FAT4: variants seen among roughly 807,000 people sequenced by gnomAD.
The protein encoded by FAT4 is FAT atypical cadherin 4.
In FAT4, 84 loss-of-function variants were observed where a neutral mutation model predicts 303.9. The observed-to-expected ratio is 0.28, with a 90% confidence interval of 0.23 to 0.33. The LOEUF (loss-of-function observed/expected upper bound fraction) is 0.33, where lower values mean the gene tolerates loss of function less well. FAT4 is among the 10% of genes least tolerant of loss of function. The probability of loss-of-function intolerance (pLI) is 1.00; values close to 1 mark genes in which losing one functional copy is unlikely to be tolerated. For missense variants in FAT4, 6,005 were observed against 6,146.8 expected (o/e 0.98, Z 0.77); for synonymous variants, 2,307 against 2,298.8 (o/e 1.00, Z -0.10).
chr4:125,450,059 C>T lies in FAT4; in HGVS notation c.9049C>T (p.Leu3017=), dbSNP rs1376137619. Residue 3017 remains leucine (L), a synonymous_variant, in exon 10 of 18, where the codon CTG becomes TTG. Coordinates refer to ENST00000394329, the MANE Select transcript of FAT4 (RefSeq NM_001291303.3). The part of the protein sequence containing the change: ...VTAIDDKDFG[L]NSEVEYFISN... ...AGCAATAGATGACAAAGATTTTGGACTGAATTCAGAAGTGGAGTATTTCAT... is the reference window on the plus strand; with the variant it reads ...AGCAATAGATGACAAAGATTTTGGATTGAATTCAGAAGTGGAGTATTTCAT... 4 of 1,613,794 alleles carry T rather than the reference C, an allele frequency of 2.5e-6. No individual in the cohort carries two copies. Among genetic ancestry groups the T allele is most frequent in the East Asian group, 2.2e-5 (1 of 44,870 alleles).
At chr4:125,406,796 T>C (rs1477465478) in intron 3 of FAT4, 84 bp from the exon 4 acceptor site, 12 of 1,472,148 alleles carry the variant, frequency 8.2e-6, no homozygotes, top group Non-Finnish European at 1.1e-5. Context: ...AAGCCTTCCT[T>C]TGTCAAATAC....
At chr4:125,388,398 C>CA (rs545291438) in intron 2 of FAT4, among the ~76,000 whole-genome samples, 10 of 151,582 alleles carry the variant, frequency 6.6e-5, no homozygotes, top group African/African-American at 2.2e-4. Context: ...ACACATTAGG[C>CA]AAAAAAAGAG....
chr4:125,317,927 C>T lies in FAT4; in HGVS notation c.1516C>T (p.Leu506Phe). ...ATCTGCCACTGATGGCGACTCTGGT[C>T]TCAATGCTAATCTGCGTTACAGCAT... ...GISATDGDSG[L>F]NANLRYSIVS... is the part of the protein sequence containing the mutation. Residue 506 changes from leucine to phenylalanine, a missense_variant, in exon 2 of 18, where the codon CTC becomes TTC. Transcript: ENST00000394329. The surrounding 1 kb of genome is among the most constrained non-coding windows in gnomAD (Gnocchi z 7.0). The T allele has an allele frequency of 6.2e-7, 1 of 1,614,186 alleles. No individual in the cohort carries two copies. Among genetic ancestry groups the T allele is most frequent in the Non-Finnish European group, 8.5e-7 (1 of 1,180,040 alleles).
Position 125,317,141 on chromosome 4 carries a change from A to C in FAT4, c.730A>C (p.Asn244His), listed in dbSNP as rs79527211. ...LQVNVTVQDI[N>H]DNPPVFGSSH... Reference sequence around the variant, plus strand: ...GGTAAACGTGACTGTGCAAGACATTAATGACAACCCCCCGGTTTTTGGCAG... The same window carrying C: ...GGTAAACGTGACTGTGCAAGACATTCATGACAACCCCCCGGTTTTTGGCAG... Residue 244 changes from asparagine to histidine, a missense_variant, in exon 2 of 18, where the codon AAT becomes CAT. Asn to His is a moderately conservative substitution (Grantham distance 68). Transcript: ENST00000394329. This position sits in a 1 kb window ranked among gnomAD's most constrained non-coding sequence, Gnocchi z 7.0. 6.2e-7 allele frequency: 1 copy of C among 1,612,606 alleles called. No homozygotes were observed. The highest frequency in any genetic ancestry group is 8.5e-7 in the Non-Finnish European group (1 of 1,179,240).
rs760733250 is a variant in FAT4 at position 125,317,363 on chromosome 4, C to G, written c.952C>G (p.Gln318Glu). The G allele has an allele frequency of 1.2e-6, 2 of 1,613,324 alleles. No individual in the cohort carries two copies. Among genetic ancestry groups the G allele is most frequent in the South Asian group, 2.2e-5 (2 of 91,082 alleles). The change falls in exon 2 of 18, where the codon CAA (glutamine) becomes GAA (glutamate). Residue 318 changes from glutamine (Q) to glutamate (E), a missense_variant. Transcript: ENST00000394329. The surrounding 1 kb of genome is among the most constrained non-coding windows in gnomAD (Gnocchi z 7.0). ...GCCCCTGGACTTCGAAGCTCGGCGC[C>G]AATACTCGCTTACGGTGCAGGCGAT... Reference protein sequence around the residue: ...REPLDFEARRQYSLTVQAMDR... With the variant: ...REPLDFEARREYSLTVQAMDR...
intron 2 of FAT4, among the ~76,000 whole-genome samples, chr4:125,331,779 G>A (rs562475410): frequency 6.6e-6 from 1 of 152,110 alleles, no homozygotes. Context: ...TTTAATTACT[G>A]TCATTCCTTT....
chr4:125,393,873 G>A, intron 2 of FAT4: 2 of 750,732 alleles, frequency 2.7e-6, no homozygotes, highest in Non-Finnish European at 5.0e-6. Context: ...TCATTTACCA[G>A]AGTTTTACTG....
In FAT4 at chr4:125,492,223, A is replaced by G. The variant is rs1260237118; in HGVS notation, c.*455A>G. The G allele has an allele frequency of 6.3e-6, 1 of 157,876 alleles. No homozygotes were observed. Among genetic ancestry groups the G allele is most frequent in the African/African-American group, 2.4e-5 (1 of 41,500 alleles). The allele number at this position is 157,876 out of a possible 1,614,324, so 9.8% of individuals were successfully genotyped here. On this transcript the variant is annotated 3_prime_UTR_variant, in exon 18 of 18. Transcript: ENST00000394329. ...TAAAAAGGAACCCTCCTATCGTGGA[A>G]TGAAAGATTAAGTATATTAACACTT...
intron 8 of FAT4, among the ~76,000 whole-genome samples, chr4:125,435,856 T>C (rs867939846): frequency 6.6e-6 from 1 of 152,150 alleles, no homozygotes; most frequent in South Asian, 2.1e-4. Flanking sequence ...TTGGATAGAA[T>C]CTGATGAGAG....
chr4:125,361,085 A>G (rs1732647791), intron 2 of FAT4, among the ~76,000 whole-genome samples: 1 of 151,544 alleles, frequency 6.6e-6, no homozygotes, highest in African/African-American at 2.4e-5. Flanking sequence ...TCAAATTGCT[A>G]GCTACTGTAT....
chr4:125,491,529 G>A lies in FAT4; in HGVS notation c.14713G>A (p.Val4905Met). ...CGGTCGCAGGGCCGAGGGAGGACCT[G>A]TGGGCACCCAGGCAGCAGCACCAGG... ...YHGRRAEGGP[V>M]GTQAAAPGTA... Residue 4905 changes from valine (V) to methionine (M), a missense_variant, in exon 18 of 18, where the codon GTG (valine) becomes ATG (methionine). Val to Met is a conservative substitution (Grantham distance 21, BLOSUM62 1). Transcript: ENST00000394329. 6.2e-7 allele frequency: 1 copy of A among 1,614,190 alleles called. No individual in the cohort carries two copies. The highest frequency in any genetic ancestry group is 1.1e-5 in the South Asian group (1 of 91,086).
Position 125,406,920 on chromosome 4 carries a change from C to G in FAT4, c.5348C>G (p.Ala1783Gly), listed in dbSNP as rs772029592. The G allele has an allele frequency of 3.1e-6, 5 of 1,613,786 alleles. No individual in the cohort carries two copies. Among genetic ancestry groups the G allele is most frequent in the East Asian group, 4.5e-5 (2 of 44,844 alleles). The part of the protein sequence containing the change: ...ALVTYTIISG[A>G]DDSFRIDPES... Reference sequence around the variant, plus strand: ...GTCACATACACTATCATTAGTGGAGCTGATGATAGTTTTCGCATCGACCCA... The same window carrying G: ...GTCACATACACTATCATTAGTGGAGGTGATGATAGTTTTCGCATCGACCCA... The change falls in exon 4 of 18, where the codon GCT (alanine) becomes GGT (glycine). Residue 1783 changes from alanine (A) to glycine (G), a missense_variant. Transcript: ENST00000394329.
chr4:125,327,311 G>A (rs186752617), intron 2 of FAT4, among the ~76,000 whole-genome samples: 1 of 152,288 alleles, frequency 6.6e-6, no homozygotes, highest in East Asian at 1.9e-4. Context: ...TGGAGTTTAA[G>A]AAGGTGGAGA....
chr4:125,400,555 C>T (rs1267732334), intron 3 of FAT4, among the ~76,000 whole-genome samples: 1 of 151,802 alleles, frequency 6.6e-6, no homozygotes, highest in African/African-American at 2.4e-5. Flanking sequence ...TGTATGTGTG[C>T]ACACACTTGC....
rs746553908 is a variant in FAT4, at chr4:125,321,338, C to T, written c.4927C>T (p.Pro1643Ser). 1 of 1,614,138 alleles carries T rather than the reference C, an allele frequency of 6.2e-7. No homozygotes were observed. The highest frequency in any genetic ancestry group is 8.5e-7 in the Non-Finnish European group (1 of 1,180,010). ...KYITILKEGEPIGTNVISIEA... is the reference protein window; with the variant it reads ...KYITILKEGESIGTNVISIEA... ...TATAACTATTTTGAAGGAAGGAGAA[C>T]CCATTGGCACAAACGTGATATCAAT... Residue 1643 changes from proline (P) to serine (S), a missense_variant, in exon 2 of 18, where the codon CCC (proline) becomes TCC (serine). Transcript: ENST00000394329.
chr4:125,356,534 G>C (rs1732429558), intron 2 of FAT4, among the ~76,000 whole-genome samples: 1 of 132,558 alleles, frequency 7.5e-6, no homozygotes, highest in South Asian at 2.5e-4. Context: ...GTAGATATAG[G>C]GTGTTTTGTT....
chr4:125,441,759 A>G (rs986031259), intron 8 of FAT4, among the ~76,000 whole-genome samples: 5 of 152,196 alleles, frequency 3.3e-5, no homozygotes, highest in African/African-American at 1.2e-4. Flanking sequence ...TAGTCACCCC[A>G]TAAATGGCCC....
At chr4:125,446,207 T>G in intron 8 of FAT4, 86 bp from the exon 9 acceptor site, 2 of 1,170,620 alleles carry the variant, frequency 1.7e-6, no homozygotes, top group South Asian at 3.2e-5. Flanking sequence ...TTTCTTGCAT[T>G]TCTACCTCAG....
In FAT4 at chr4:125,459,493, C is replaced by T. The variant is rs112071078; in HGVS notation, c.11801-4070C>T. Among the ~76,000 whole-genome samples, 111 of 152,172 alleles carry T rather than the reference C, an allele frequency of 7.3e-4. 1 individual carries two copies. The highest frequency in any genetic ancestry group is 2.5e-3 in the African/African-American group (105 of 41,570). On this transcript the variant is annotated intron_variant, in intron 10 of 17. Transcript: ENST00000394329. The stretch of plus-strand genomic sequence containing the variant: ...TTATTTTCACCTTAAGCTATTCCCA[C>T]TTTCCATGTGCTAAGAATTTACACT...
Sources: gnomAD v4.1 joint callset for allele counts (sites outside exome capture counted in the v4.1 genomes callset) on GRCh38, gnomAD v4.1.1 for gene constraint, Gnocchi (gnomAD v3.1) non-coding constraint, MANE v1.5 for transcripts, NCBI Gene and HGNC (gene_info 2026-07-23, HGNC 2026-07-21) for gene names.